The following ZNF804B variants were observed in gnomAD, a reference collection of about 807,000 sequenced individuals.
The protein encoded by ZNF804B is zinc finger protein 804B, also known as zinc finger 804B.
In ZNF804B, 80 loss-of-function variants were observed where a neutral mutation model predicts 101.4. The observed-to-expected ratio is 0.79, with a 90% CI of 0.66 to 0.95. The LOEUF is 0.95. ZNF804B is among the 40% of genes least tolerant of loss of function. ZNF804B has a pLI of 0.00. For missense variants in ZNF804B, 1,673 were observed against 1,561.9 expected (o/e 1.07, Z -1.20); for synonymous variants, 622 against 558.8 (o/e 1.11, Z -1.59).
chr7:89,336,858 T>C lies in ZNF804B; in HGVS notation c.3876T>C (p.Ile1292=). 3 of 1,614,114 alleles carry C rather than the reference T, an allele frequency of 1.9e-6. No individual in the cohort carries two copies. The highest frequency in any genetic ancestry group is 2.5e-6 in the Non-Finnish European group (3 of 1,180,008). ...TLQPLPPTAF[I]PTLFGPHLNP... ...AGCCTCTGCCCCCTACAGCATTTAT[T>C]CCTACATTGTTTGGTCCTCACTTAA... is the stretch of plus-strand genomic sequence containing the variant. The change falls in exon 4 of 4, where the codon ATT becomes ATC. Residue 1292 remains isoleucine, a synonymous_variant. Transcript: ENST00000333190.
chr7:88,962,708 CATATATATATATATATATATATATAT>C (rs71120046), intron 1 of ZNF804B, among the ~76,000 whole-genome samples: 27 of 84,172 alleles, frequency 3.2e-4, no homozygotes, highest in African/African-American at 1.0e-3. Flanking sequence ...GTTAAACTCA[CATATATATATATATATATATATATAT>C]ATATATATAT....
chr7:88,962,300 C>A (rs1366895046), intron 1 of ZNF804B, among the ~76,000 whole-genome samples: 3 of 151,258 alleles, frequency 2.0e-5, no homozygotes, highest in Non-Finnish European at 4.4e-5. Flanking sequence ...AGGATACCAT[C>A]TAATTCTACA....
chr7:89,088,470 A>G (rs1789838426), intron 1 of ZNF804B, among the ~76,000 whole-genome samples: 1 of 151,434 alleles, frequency 6.6e-6, no homozygotes, highest in Non-Finnish European at 1.5e-5. Context: ...TTTGTAATTA[A>G]TTTTCAAAAA....
intron 2 of ZNF804B, among the ~76,000 whole-genome samples, chr7:89,253,643 C>T (rs1043793910): frequency 3.3e-5 from 5 of 151,950 alleles, no homozygotes; most frequent in Non-Finnish European, 5.9e-5. Flanking sequence ...GTAAGATTTT[C>T]AGGTAATTCT....
chr7:89,262,531 G>A (rs1789726504), intron 2 of ZNF804B, among the ~76,000 whole-genome samples: 1 of 152,160 alleles, frequency 6.6e-6, no homozygotes, highest in African/African-American at 2.4e-5. Flanking sequence ...TATATTTTAA[G>A]TATTATGTAA....
intron 1 of ZNF804B, among the ~76,000 whole-genome samples, chr7:88,807,583 AT>A (rs910290690): frequency 2.0e-5 from 3 of 151,036 alleles, no homozygotes; most frequent in South Asian, 2.1e-4. Context: ...TAAATTAATC[AT>A]TTTTTTTTCT....
At chr7:89,298,183 G>T (rs1211296713) in intron 2 of ZNF804B, among the ~76,000 whole-genome samples, 1 of 116,370 alleles carries the variant, frequency 8.6e-6, no homozygotes, top group South Asian at 2.7e-4. Context: ...TATATATAGT[G>T]TGTATATATA....
At chr7:89,123,587 T>A (rs1790435789) in intron 1 of ZNF804B, among the ~76,000 whole-genome samples, 2 of 152,158 alleles carry the variant, frequency 1.3e-5, no homozygotes, top group South Asian at 2.1e-4. Flanking sequence ...AATTTATTTG[T>A]TAGGAACAAG....
At position 89,337,267 on chromosome 7, in the gene ZNF804B, G is replaced by T. The variant is rs767911160; in HGVS notation, c.*235G>T. Among the ~76,000 whole-genome samples the T allele has an allele frequency of 8.5e-5, 13 of 152,154 alleles. No homozygotes were observed. Among genetic ancestry groups the T allele is most frequent in the Non-Finnish European group, 1.8e-4 (12 of 68,022 alleles). On this transcript the variant is annotated 3_prime_UTR_variant, in exon 4 of 4. Coordinates refer to ENST00000333190, the MANE Select transcript of ZNF804B (RefSeq NM_181646.5). ...TAATTTTATGAAAGCGTAGAGGGAAGAGGGAAAGAGTTAAAGATTTGTTTT... is the reference window on the plus strand; with the variant it reads ...TAATTTTATGAAAGCGTAGAGGGAATAGGGAAAGAGTTAAAGATTTGTTTT...
At chr7:88,908,237 T>A (rs970240880) in intron 1 of ZNF804B, among the ~76,000 whole-genome samples, 7 of 151,844 alleles carry the variant, frequency 4.6e-5, no homozygotes, top group African/African-American at 1.2e-4. Context: ...ATAATTTTTT[T>A]ATTTTACTTT....
chr7:88,760,630 G>T (rs1375432549), intron 1 of ZNF804B, among the ~76,000 whole-genome samples: 1 of 151,944 alleles, frequency 6.6e-6, no homozygotes, highest in Non-Finnish European at 1.5e-5. Flanking sequence ...ATTCTTTATG[G>T]AAATCTGAGT....
chr7:88,816,607 A>T (rs1790882556), intron 1 of ZNF804B, among the ~76,000 whole-genome samples: 1 of 150,290 alleles, frequency 6.7e-6, no homozygotes, highest in African/African-American at 2.5e-5. Flanking sequence ...GAAGACATTT[A>T]TGCAGCCAAC....
chr7:88,851,611 A>C (rs879571224), intron 1 of ZNF804B, among the ~76,000 whole-genome samples: 1 of 152,124 alleles, frequency 6.6e-6, no homozygotes, highest in Non-Finnish European at 1.5e-5. Flanking sequence ...GCAGACCTAC[A>C]TTATAAGAAA....
chr7:89,264,994 T>C (rs1208837), intron 2 of ZNF804B, among the ~76,000 whole-genome samples: 100,844 of 152,068 alleles, frequency 0.66, 33,956 homozygotes, highest in African/African-American at 0.7. Flanking sequence ...TATCTTTGTA[T>C]GTGATTTAAG....
At chr7:89,007,599 TTA>T (rs1788389927) in intron 1 of ZNF804B, among the ~76,000 whole-genome samples, 2 of 136,988 alleles carry the variant, frequency 1.5e-5, no homozygotes, top group South Asian at 4.3e-4. Flanking sequence ...TATATTATAA[TTA>T]TATATGATTA....
At chr7:89,113,220 T>A (rs1260635273) in intron 1 of ZNF804B, among the ~76,000 whole-genome samples, 5 of 152,202 alleles carry the variant, frequency 3.3e-5, no homozygotes, top group Admixed American at 2.6e-4. Context: ...AAAAGGAACT[T>A]GTCAGTATGC....
At chr7:89,101,113 A>G (rs1790048771) in intron 1 of ZNF804B, among the ~76,000 whole-genome samples, 1 of 152,092 alleles carries the variant, frequency 6.6e-6, no homozygotes, top group South Asian at 2.1e-4. Context: ...TTCAAAAGAA[A>G]TCATTTAATG....
rs559273817 is a variant in ZNF804B at position 88,766,193 on chromosome 7, G to A, written c.108+6109G>A. 5.9e-5 allele frequency among the ~76,000 whole-genome samples: 9 copies of A among 152,106 alleles called. No individual in the cohort carries two copies. The South Asian group carries it at 8.3e-4, about 14-fold the overall frequency. On this transcript the variant is annotated intron_variant, in intron 1 of 3. Coordinates refer to ENST00000333190, the MANE Select transcript of ZNF804B (RefSeq NM_181646.5). Reference sequence around the variant, plus strand: ...GGCTCAGTGGCTCATACCTATAGTCGTAGCCACTTGGAAGGCTGAGGAAGG... The same window carrying A: ...GGCTCAGTGGCTCATACCTATAGTCATAGCCACTTGGAAGGCTGAGGAAGG...
chr7:89,172,501 A>G (rs928664864), intron 1 of ZNF804B, among the ~76,000 whole-genome samples: 1 of 152,118 alleles, frequency 6.6e-6, no homozygotes, highest in African/African-American at 2.4e-5. Flanking sequence ...CGCCTATGAA[A>G]TTATTTTCTT....
Sources: allele counts gnomAD v4.1 joint callset (sites outside exome capture counted in the v4.1 genomes callset), GRCh38; gene constraint gnomAD v4.1.1; transcripts MANE v1.5; gene names NCBI Gene and HGNC (gene_info 2026-07-23, HGNC 2026-07-21).